TENM2: variants seen among roughly 807,000 people sequenced by gnomAD.
TENM2 encodes teneurin-2.
A neutral mutation model predicts 245.2 loss-of-function variants in TENM2; 52 were observed. That is an observed-to-expected ratio of 0.21 (90% CI 0.17 to 0.27). The LOEUF is 0.27. TENM2 is among the 10% of genes least tolerant of loss of function. TENM2 has a pLI of 1.00. For missense variants in TENM2, 3,046 were observed against 3,666.8 expected (o/e 0.83, Z 4.37); for synonymous variants, 1,363 against 1,438.9 (o/e 0.95, Z 1.19).
intron 2 of TENM2, among the ~76,000 whole-genome samples, chr5:167,793,196 G>C (rs1221106545): frequency 6.6e-6 from 1 of 152,126 alleles, no homozygotes; most frequent in Non-Finnish European, 1.5e-5. Context: ...TTGAGATCAA[G>C]AGAAAACCAA....
chr5:167,948,445 C>A (rs1452195087), intron 3 of TENM2, among the ~76,000 whole-genome samples: 1 of 152,244 alleles, frequency 6.6e-6, no homozygotes, highest in Non-Finnish European at 1.5e-5. Context: ...TTTAAACATA[C>A]AGGAAACATC....
At chr5:167,404,874 A>G (rs1415687952) in intron 2 of TENM2, among the ~76,000 whole-genome samples, 1 of 152,156 alleles carries the variant, frequency 6.6e-6, no homozygotes, top group African/African-American at 2.4e-5. Flanking sequence ...CTTCAGCACA[A>G]TCAATTTTAG....
the TENM2 span, among the ~76,000 whole-genome samples, chr5:167,175,956 C>A: frequency 6.6e-6 from 1 of 152,178 alleles, no homozygotes; most frequent in African/African-American, 2.4e-5. Context: ...GTGATCCACC[C>A]ACCTTGGCCT....
the TENM2 span, among the ~76,000 whole-genome samples, chr5:167,219,411 T>C: frequency 6.6e-6 from 1 of 152,204 alleles, no homozygotes; most frequent in African/African-American, 2.4e-5. Context: ...TGATCCCTTC[T>C]AGCCTCCCTG....
chr5:167,041,890 A>G, the TENM2 span, among the ~76,000 whole-genome samples: 6 of 152,090 alleles, frequency 3.9e-5, no homozygotes, highest in African/African-American at 1.2e-4. Context: ...GCCCAAAAGG[A>G]TGACTGGATT....
At chr5:167,879,218 G>C (rs1773678289) in intron 3 of TENM2, among the ~76,000 whole-genome samples, 1 of 152,140 alleles carries the variant, frequency 6.6e-6, no homozygotes, top group Non-Finnish European at 1.5e-5. Context: ...TATGACAGTG[G>C]TGCATTCTTT....
chr5:168,065,666 G>GA (rs1307682746), intron 7 of TENM2, among the ~76,000 whole-genome samples: 4 of 151,268 alleles, frequency 2.6e-5, no homozygotes, highest in African/African-American at 9.7e-5. Flanking sequence ...TCTTTCTAAA[G>GA]AAAAAACTAC....
At chr5:167,283,845 T>A (rs1771188720), upstream of TENM2, among the ~76,000 whole-genome samples, 1 of 152,102 alleles carries the variant, frequency 6.6e-6, no homozygotes, top group South Asian at 2.1e-4. Flanking sequence ...AGAAGGCGAG[T>A]GTTTTCTGAG....
chr5:167,283,176 T>G (rs1382614352), upstream of TENM2, among the ~76,000 whole-genome samples: 1 of 152,022 alleles, frequency 6.6e-6, no homozygotes, highest in Admixed American at 6.6e-5. Flanking sequence ...CCCAAGTAGC[T>G]GTGATTATAG....
intron 1 of TENM2, among the ~76,000 whole-genome samples, chr5:167,336,883 C>T (rs1354979028): frequency 2.7e-4 from 41 of 150,088 alleles, no homozygotes; most frequent in African/African-American, 8.8e-4. Flanking sequence ...TTTGGGAGGC[C>T]GAGGCGGGTG....
intron 2 of TENM2, among the ~76,000 whole-genome samples, chr5:167,569,450 AAT>A (rs1300346327): frequency 6.6e-6 from 1 of 152,192 alleles, no homozygotes; most frequent in African/African-American, 2.4e-5. Context: ...AAAGCCAAGT[AAT>A]AATAAACCAA....
At chr5:167,106,274 G>C in the TENM2 span, among the ~76,000 whole-genome samples, 1 of 152,134 alleles carries the variant, frequency 6.6e-6, no homozygotes, top group African/African-American at 2.4e-5. Flanking sequence ...TGAAGGTTCA[G>C]GAGGTCACAC....
At chr5:167,613,254 G>A (rs539078248) in intron 2 of TENM2, among the ~76,000 whole-genome samples, 9 of 152,160 alleles carry the variant, frequency 5.9e-5, no homozygotes, top group South Asian at 4.2e-4. Flanking sequence ...GTAAAATCAC[G>A]ATAATAAAAT....
At chr5:167,195,676 C>G in the TENM2 span, among the ~76,000 whole-genome samples, 1 of 151,670 alleles carries the variant, frequency 6.6e-6, no homozygotes, top group African/African-American at 2.4e-5. Flanking sequence ...TAAATAAGAG[C>G]TATTATTACT....
At chr5:167,955,077 C>A (rs1017053282) in intron 4 of TENM2, among the ~76,000 whole-genome samples, 1 of 152,026 alleles carries the variant, frequency 6.6e-6, no homozygotes, top group Non-Finnish European at 1.5e-5. Flanking sequence ...AATTTACACT[C>A]CCACCAACAG....
chr5:167,170,590 T>A, the TENM2 span, among the ~76,000 whole-genome samples: 1 of 152,214 alleles, frequency 6.6e-6, no homozygotes, highest in African/African-American at 2.4e-5. Context: ...GACACTCTCA[T>A]TGGGAATTTT....
At chr5:168,246,975 G>C (rs1272820022) in exon 27 of TENM2, 2 of 1,613,874 alleles carry the variant, frequency 1.2e-6, no homozygotes, top group South Asian at 2.2e-5. Context: ...CCTCCTTTTT[G>C]GGCACCGGAC....
chr5:167,256,269 G>A, the TENM2 span, among the ~76,000 whole-genome samples: 8 of 152,168 alleles, frequency 5.3e-5, no homozygotes, highest in African/African-American at 1.9e-4. Flanking sequence ...AGGCATTCAG[G>A]TTTAGCAACC....
At chr5:167,698,679 GTTTTT>G (rs1225922111) in intron 2 of TENM2, among the ~76,000 whole-genome samples, 1 of 97,758 alleles carries the variant, frequency 1.0e-5, no homozygotes, top group South Asian at 3.3e-4. Flanking sequence ...TTTGTTTTTT[GTTTTT>G]TTTTTTTTTT....
Sources: gnomAD v4.1 joint callset for allele counts (sites outside exome capture counted in the v4.1 genomes callset) on GRCh38, gnomAD v4.1.1 for gene constraint, MANE v1.5 for transcripts, NCBI Gene and HGNC (gene_info 2026-07-23, HGNC 2026-07-21) for gene names.